Variants in PTPRO observed in about 807,000 individuals in gnomAD.
The protein encoded by PTPRO is protein tyrosine phosphatase receptor type O.
PTPRO carries 62 observed loss-of-function variants against 145.2 expected under a neutral mutation model. The ratio of observed to expected loss-of-function variants is 0.43; its 90% CI spans 0.35 to 0.53. The LOEUF is 0.53. Among genes scored for constraint, PTPRO ranks in the 20% least tolerant of loss-of-function variants. PTPRO has a pLI of 0.01. For synonymous variants in PTPRO, 565 were observed against 514.7 expected, an observed-to-expected ratio of 1.10 and a Z score of -1.32; for missense variants, 1,345 against 1,482.7, an observed-to-expected ratio of 0.91 and a Z score of 1.53.
chr12:15,456,916 C>A (rs933520422), intron 1 of PTPRO, among the ~76,000 whole-genome samples: 6 of 151,886 alleles, frequency 4.0e-5, no homozygotes, highest in Admixed American at 1.3e-4. Context: ...CAAACCAATT[C>A]TTTTATTAAA....
At chr12:15,349,467 A>G (rs1746199726) in intron 1 of PTPRO, among the ~76,000 whole-genome samples, 1 of 152,228 alleles carries the variant, frequency 6.6e-6, no homozygotes. Flanking sequence ...GTATGCAGAG[A>G]CTACTACCAT....
At chr12:15,591,724 G>T (rs900605953) in intron 25 of PTPRO, among the ~76,000 whole-genome samples, 1 of 151,348 alleles carries the variant, frequency 6.6e-6, no homozygotes, top group African/African-American at 2.4e-5. Flanking sequence ...TTAGCTGGGC[G>T]TGGTGGCACA....
chr12:15,439,644 A>G (rs539981713), intron 1 of PTPRO: 3 of 396,906 alleles, frequency 7.6e-6, no homozygotes, highest in Admixed American at 3.0e-5. Context: ...GGTCACAGCC[A>G]TGGACAGAGC....
rs547485154 is a variant in PTPRO at position 15,516,279 on chromosome 12, A to G, written c.1586-484A>G. 1.4e-3 allele frequency among the ~76,000 whole-genome samples: 210 copies of G among 146,236 alleles called. 1 individual carries two copies. Among genetic ancestry groups the G allele is most frequent in the Non-Finnish European group, 2.6e-3 (176 of 66,572 alleles). On this transcript the variant is annotated intron_variant, in intron 8 of 26. Transcript: ENST00000281171. ...TGGGATTACAGGCATGAGCCACCAC[A>G]CCCAGCCAAGCCCAGAAGTTTTAAT...
intron 2 of PTPRO, among the ~76,000 whole-genome samples, chr12:15,492,476 G>A (rs755731599): frequency 1.2e-4 from 19 of 152,178 alleles, no homozygotes; most frequent in Non-Finnish European, 2.5e-4. Flanking sequence ...AGGAGGCTGA[G>A]GCAGGAGGAT....
rs747484031 is a variant in PTPRO, at chr12:15,501,869, C to T, written c.911C>T (p.Ser304Phe). The T allele has an allele frequency of 6.2e-7, 1 of 1,614,118 alleles. No homozygotes were observed. Among genetic ancestry groups the T allele is most frequent in the Non-Finnish European group, 8.5e-7 (1 of 1,180,010 alleles). Reference protein sequence around the residue: ...TSQPYWWDSASAAPESEDEFV... With the variant: ...TSQPYWWDSAFAAPESEDEFV... ...CAGCCATATTGGTGGGACAGTGCATCTGCAGCTCCTGAAAGTGAAGATGAA... is the reference window on the plus strand; with the variant it reads ...CAGCCATATTGGTGGGACAGTGCATTTGCAGCTCCTGAAAGTGAAGATGAA... The change falls in exon 5 of 27, where the codon TCT becomes TTT. Residue 304 changes from serine to phenylalanine, a missense_variant. Ser to Phe is a radical substitution (Grantham distance 155, BLOSUM62 -2). Around this residue, in one of 3 missense-constraint regions of PTPRO, gnomAD observed 1,130 missense variants for 1,214.7 expected, o/e 0.93. Transcript: ENST00000281171.
At chr12:15,398,613 A>G (rs1939408397) in intron 1 of PTPRO, among the ~76,000 whole-genome samples, 1 of 152,180 alleles carries the variant, frequency 6.6e-6, no homozygotes, top group Admixed American at 6.5e-5. Flanking sequence ...CTAAGTAGGC[A>G]TCTGGTAAAT....
chr12:15,522,741 C>A (rs141261523), intron 10 of PTPRO, among the ~76,000 whole-genome samples: 3 of 152,212 alleles, frequency 2.0e-5, no homozygotes, highest in African/African-American at 7.2e-5. Flanking sequence ...AGTAATTATG[C>A]GGAGGGGCCA....
intron 1 of PTPRO, among the ~76,000 whole-genome samples, chr12:15,383,805 A>G (rs1227191977): frequency 6.6e-6 from 1 of 152,226 alleles, no homozygotes; most frequent in African/African-American, 2.4e-5. Flanking sequence ...ATTAGATCTT[A>G]AAAGGTGTCA....
At chr12:15,427,043 C>T (rs1010248138) in intron 1 of PTPRO, among the ~76,000 whole-genome samples, 1 of 151,952 alleles carries the variant, frequency 6.6e-6, no homozygotes, top group East Asian at 1.9e-4. Context: ...GTTCTTAAAA[C>T]CATTGTGTAT....
chr12:15,485,999 C>CT (rs1014133526), intron 2 of PTPRO, among the ~76,000 whole-genome samples: 1 of 152,054 alleles, frequency 6.6e-6, no homozygotes, highest in African/African-American at 2.4e-5. Flanking sequence ...TATGGTCTTT[C>CT]TTGCTGTGTA....
intron 1 of PTPRO, among the ~76,000 whole-genome samples, chr12:15,349,470 A>G (rs1870695): frequency 0.24 from 36,842 of 152,212 alleles, 4,682 homozygotes; most frequent in Non-Finnish European, 0.29. Flanking sequence ...TGCAGAGACT[A>G]CTACCATAGG....
intron 1 of PTPRO, among the ~76,000 whole-genome samples, chr12:15,433,087 T>C (rs1940491067): frequency 6.6e-6 from 1 of 152,144 alleles, no homozygotes; most frequent in African/African-American, 2.4e-5. Context: ...TTATTTTTGA[T>C]GTCTTCACCA....
intron 1 of PTPRO, among the ~76,000 whole-genome samples, chr12:15,448,899 A>G (rs995616279): frequency 6.6e-6 from 1 of 152,182 alleles, no homozygotes; most frequent in Non-Finnish European, 1.5e-5. Flanking sequence ...TGCTAAGTGA[A>G]ATAAGCCAGA....
intron 8 of PTPRO, among the ~76,000 whole-genome samples, chr12:15,516,336 C>CAAAAA (rs548537781): frequency 1.6e-5 from 1 of 62,528 alleles, no homozygotes; most frequent in Non-Finnish European, 3.2e-5. Context: ...GACCCTGTCT[C>CAAAAA]AAAAAAAAAA....
chr12:15,352,510 G>C (rs565098618), intron 1 of PTPRO, among the ~76,000 whole-genome samples: 1 of 152,102 alleles, frequency 6.6e-6, no homozygotes, highest in South Asian at 2.1e-4. Context: ...AATTAGCCGG[G>C]TGTGGTGGCA....
chr12:15,460,491 A>G (rs1941277125), intron 1 of PTPRO, among the ~76,000 whole-genome samples: 1 of 152,230 alleles, frequency 6.6e-6, no homozygotes, highest in South Asian at 2.1e-4. Flanking sequence ...TTTTAAAATA[A>G]TAAATAATGA....
chr12:15,379,207 A>T (rs995427466), intron 1 of PTPRO, among the ~76,000 whole-genome samples: 1 of 152,060 alleles, frequency 6.6e-6, no homozygotes, highest in Admixed American at 6.6e-5. Context: ...AAAATGGTCA[A>T]AATCGGGACC....
intron 1 of PTPRO, among the ~76,000 whole-genome samples, chr12:15,417,639 A>T (rs1449066030): frequency 6.6e-6 from 1 of 151,670 alleles, no homozygotes; most frequent in African/African-American, 2.4e-5. Context: ...TACACGCATT[A>T]TGTTTAAGAA....
Sources: allele counts gnomAD v4.1 joint callset (sites outside exome capture counted in the v4.1 genomes callset), GRCh38; gene constraint gnomAD v4.1.1; regional missense constraint gnomAD v4.1.1; transcripts MANE v1.5; gene names NCBI Gene and HGNC (gene_info 2026-07-23, HGNC 2026-07-21).